Variants in SLC30A8 observed in about 807,000 individuals in gnomAD.
The protein encoded by SLC30A8 is proton-coupled zinc antiporter SLC30A8.
A neutral mutation model predicts 36.9 loss-of-function variants in SLC30A8; 27 were observed. That is an observed-to-expected ratio of 0.73 (90% confidence interval 0.54 to 1.01). The LOEUF is 1.01. SLC30A8 is among the 50% of genes least tolerant of loss of function. The probability of loss-of-function intolerance (pLI) is 0.00; values close to 1 mark genes in which losing one functional copy is unlikely to be tolerated. For missense variants in SLC30A8, 439 were observed against 452.0 expected (o/e 0.97, Z 0.26); for synonymous variants, 164 against 172.4 (o/e 0.95, Z 0.38).
At chr8:117,093,524 A>G (rs183339351) in intron 2 of SLC30A8, among the ~76,000 whole-genome samples, 2 of 151,968 alleles carry the variant, frequency 1.3e-5, no homozygotes, top group East Asian at 2.0e-4. Context: ...AGGAACTTAT[A>G]TTGGTTTATA....
At chr8:117,127,696 T>G (rs1820963988) in intron 2 of SLC30A8, among the ~76,000 whole-genome samples, 1 of 152,068 alleles carries the variant, frequency 6.6e-6, no homozygotes, top group Non-Finnish European at 1.5e-5. Context: ...ATGTGTGGTG[T>G]GTGATGTTGT....
At chr8:117,111,550 C>T (rs1386308235) in intron 2 of SLC30A8, among the ~76,000 whole-genome samples, 1 of 152,148 alleles carries the variant, frequency 6.6e-6, no homozygotes, top group Non-Finnish European at 1.5e-5. Context: ...GCTTAGAACA[C>T]CATGTTCCCT....
chr8:117,007,338 A>G (rs2130698260), intron 1 of SLC30A8, among the ~76,000 whole-genome samples: 1 of 152,230 alleles, frequency 6.6e-6, no homozygotes, highest in African/African-American at 2.4e-5. Flanking sequence ...AATTCTGTAT[A>G]TTTTTGGCTT....
chr8:117,051,371 A>G (rs1251531196), intron 2 of SLC30A8, among the ~76,000 whole-genome samples: 1 of 152,212 alleles, frequency 6.6e-6, no homozygotes, highest in Non-Finnish European at 1.5e-5. Context: ...TCTAAAACTC[A>G]TGTTGAAATA....
intron 2 of SLC30A8, among the ~76,000 whole-genome samples, chr8:117,103,297 C>T (rs1819807429): frequency 6.6e-6 from 1 of 152,060 alleles, no homozygotes; most frequent in South Asian, 2.1e-4. Context: ...GTTTGCAACC[C>T]AGCAAGACAA....
At chr8:117,034,749 T>C (rs1166066975) in intron 1 of SLC30A8, among the ~76,000 whole-genome samples, 1 of 152,124 alleles carries the variant, frequency 6.6e-6, no homozygotes, top group African/African-American at 2.4e-5. Flanking sequence ...GGGTAATTTA[T>C]AAAGAAAAGA....
At chr8:117,088,662 AT>A (rs1159799754) in intron 2 of SLC30A8, among the ~76,000 whole-genome samples, 1 of 152,214 alleles carries the variant, frequency 6.6e-6, no homozygotes, top group African/African-American at 2.4e-5. Flanking sequence ...TGAAAAGACA[AT>A]TAAAAAATTA....
chr8:117,123,739 AAC>A (rs1360049649), intron 2 of SLC30A8, among the ~76,000 whole-genome samples: 9 of 152,064 alleles, frequency 5.9e-5, no homozygotes, highest in East Asian at 1.9e-4. Flanking sequence ...TTAATTTTAT[AAC>A]ACAATATGTC....
intron 1 of SLC30A8, among the ~76,000 whole-genome samples, chr8:117,000,093 C>T (rs569281052): frequency 6.6e-6 from 1 of 152,190 alleles, no homozygotes; most frequent in South Asian, 2.1e-4. Context: ...TTCTCCATTT[C>T]AAGCTGATTG....
chr8:117,031,812 G>C (rs1460316137), intron 1 of SLC30A8, among the ~76,000 whole-genome samples: 1 of 152,034 alleles, frequency 6.6e-6, no homozygotes, highest in Non-Finnish European at 1.5e-5. Context: ...ATTCCTGCAC[G>C]TGCTTGATGC....
At chr8:116,977,141 C>CTTTTTTTT (rs71305451) in intron 1 of SLC30A8, among the ~76,000 whole-genome samples, 27 of 59,092 alleles carry the variant, frequency 4.6e-4, no homozygotes, top group Admixed American at 9.0e-4. Flanking sequence ...CTTTTTCTTG[C>CTTTTTTTT]TTTTTTTTTT....
intron 1 of SLC30A8, among the ~76,000 whole-genome samples, chr8:116,993,318 ATACTC>A (rs992119478): frequency 2.3e-4 from 35 of 152,168 alleles, no homozygotes; most frequent in African/African-American, 8.4e-4. Context: ...AGTCAGCACA[ATACTC>A]TACAAGTGTG....
At chr8:117,157,023 G>A (rs1822525623) in intron 3 of SLC30A8, among the ~76,000 whole-genome samples, 1 of 152,170 alleles carries the variant, frequency 6.6e-6, no homozygotes, top group African/African-American at 2.4e-5. Context: ...TAACTCCTAA[G>A]TGAGCAAATG....
intron 1 of SLC30A8, among the ~76,000 whole-genome samples, chr8:116,971,277 T>A (rs970926508): frequency 2.6e-5 from 4 of 151,612 alleles, no homozygotes; most frequent in African/African-American, 9.7e-5. Flanking sequence ...AATAAAATAG[T>A]AATGTTATAG....
chr8:117,055,786 T>C (rs1287950850), intron 2 of SLC30A8: 1 of 152,182 alleles, frequency 6.6e-6, no homozygotes, highest in Non-Finnish European at 1.5e-5. Context: ...CAGTTCCAAG[T>C]GTAAGGCCTG....
intron 1 of SLC30A8, among the ~76,000 whole-genome samples, chr8:116,983,239 C>T (rs950821460): frequency 6.6e-6 from 1 of 152,092 alleles, no homozygotes; most frequent in Admixed American, 6.6e-5. Flanking sequence ...TTTATGTCTA[C>T]AGATATAGTC....
At chr8:117,161,717 G>T in intron 4 of SLC30A8, 21 bp from the exon 5 acceptor site, 1 of 1,608,148 alleles carries the variant, frequency 6.2e-7, no homozygotes, top group Non-Finnish European at 8.5e-7. Flanking sequence ...TGTGTGCTAA[G>T]AACATTGTTC....
intron 1 of SLC30A8, among the ~76,000 whole-genome samples, chr8:117,026,766 C>G (rs1169043521): frequency 1.3e-5 from 2 of 152,254 alleles, no homozygotes; most frequent in Non-Finnish European, 2.9e-5. Context: ...ATCTGCCAGG[C>G]CCTATGCTAT....
At chr8:117,051,318 A>T (rs1346073356) in intron 2 of SLC30A8, among the ~76,000 whole-genome samples, 2 of 152,198 alleles carry the variant, frequency 1.3e-5, no homozygotes, top group Non-Finnish European at 2.9e-5. Context: ...TAGAACAGAG[A>T]TGCTAGAAAC....
Sources: allele counts gnomAD v4.1 joint callset (sites outside exome capture counted in the v4.1 genomes callset), GRCh38; gene constraint gnomAD v4.1.1; transcripts MANE v1.5; gene names NCBI Gene and HGNC (gene_info 2026-07-23, HGNC 2026-07-21).